Variants in MFHAS1 observed in about 807,000 individuals in gnomAD.
The protein encoded by MFHAS1 is multifunctional ROCO family signaling regulator 1.
MFHAS1 carries 50 observed loss-of-function variants against 70.4 expected under a neutral mutation model. The ratio of observed to expected loss-of-function variants is 0.71; its 90% CI spans 0.57 to 0.90. MFHAS1 has a LOEUF of 0.90. Among genes scored for constraint, MFHAS1 ranks in the 40% least tolerant of loss-of-function variants. MFHAS1 has a pLI of 0.00. For missense variants in MFHAS1, 1,795 were observed against 1,347.6 expected (o/e 1.33, Z -5.20); for synonymous variants, 952 against 620.0 (o/e 1.54, Z -7.96).
chr8:8,827,941 T>A (rs981295153), intron 1 of MFHAS1, among the ~76,000 whole-genome samples: 18 of 152,366 alleles, frequency 1.2e-4, no homozygotes, highest in African/African-American at 4.1e-4. Context: ...TTATGTAGTT[T>A]ATTTTTATCT....
chr8:8,890,982 C>G lies in MFHAS1; in HGVS notation c.2077G>C (p.Ala693Pro). 1.2e-6 allele frequency: 2 copies of G among 1,613,984 alleles called. No individual in the cohort carries two copies. Among genetic ancestry groups the G allele is most frequent in the Non-Finnish European group, 1.7e-6 (2 of 1,179,982 alleles). Residue 693 changes from alanine (A) to proline (P), a missense_variant, in exon 1 of 3, where the codon GCG becomes CCG. By Grantham distance (27) the Ala-to-Pro change is conservative. Coordinates refer to ENST00000276282, the MANE Select transcript of MFHAS1 (RefSeq NM_004225.3). ...WWDSARLGLQ[A>P]GLTEDRLQSA... ...TGCAGTCGGTCCTCGGTCAGACCCGCCTGCAGGCCCAAGCGCGCCGAGTCC... is the reference window on the plus strand; with the variant it reads ...TGCAGTCGGTCCTCGGTCAGACCCGGCTGCAGGCCCAAGCGCGCCGAGTCC...
chr8:8,848,595 T>C (rs1337073771), intron 1 of MFHAS1, among the ~76,000 whole-genome samples: 2 of 149,612 alleles, frequency 1.3e-5, no homozygotes, highest in Non-Finnish European at 3.0e-5. Flanking sequence ...GCCCTTTTAC[T>C]ACTAACGGAG....
Position 8,892,942 on chromosome 8 carries a change from G to C in MFHAS1, c.117C>G (p.Ala39=), listed in dbSNP as rs770289859. ...LRQLTLTAAG[A]CPGAGADALE... Reference sequence around the variant, plus strand: ...GCGCGTCGGCCCCGGCCCCGGGGCAGGCCCCGGCGGCGGTAAGCGTGAGCT... The same window carrying C: ...GCGCGTCGGCCCCGGCCCCGGGGCACGCCCCGGCGGCGGTAAGCGTGAGCT... Residue 39 remains alanine (A), a synonymous_variant, in exon 1 of 3, where the codon GCC becomes GCG. Transcript: ENST00000276282. This position sits in a 1 kb window ranked among gnomAD's most constrained non-coding sequence, Gnocchi z 4.7. The C allele has an allele frequency of 2.6e-6, 4 of 1,547,782 alleles. No homozygotes were observed. Among genetic ancestry groups the C allele is most frequent in the Middle Eastern group, 3.7e-4 (2 of 5,338 alleles).
At chr8:8,814,953 T>C (rs777106746) in intron 1 of MFHAS1, among the ~76,000 whole-genome samples, 1 of 151,508 alleles carries the variant, frequency 6.6e-6, no homozygotes, top group Admixed American at 6.6e-5. Context: ...GCTGCATAGA[T>C]CAACCCATCA....
Position 8,891,882 on chromosome 8 carries a change from C to T in MFHAS1, c.1177G>A (p.Ala393Thr). 1 of 1,611,012 alleles carries T rather than the reference C, an allele frequency of 6.2e-7. No homozygotes were observed. The highest frequency in any genetic ancestry group is 2.2e-5 in the East Asian group (1 of 44,838). Residue 393 changes from alanine (A) to threonine (T), a missense_variant, in exon 1 of 3, where the codon GCA becomes ACA. Physicochemically the swap from Ala to Thr is moderately conservative, Grantham distance 58 (BLOSUM62 0). Coordinates refer to ENST00000276282, the MANE Select transcript of MFHAS1 (RefSeq NM_004225.3). This position sits in a 1 kb window ranked among gnomAD's most constrained non-coding sequence, Gnocchi z 5.4. ...TGAGCCAGTTCCTTCTGGTAGGCTG[C>T]GATGTAGGGGATCCCCTTCATGCAG... ...EVCMKGIPYIAAYQKELAHSQ... is the reference protein window; with the variant it reads ...EVCMKGIPYITAYQKELAHSQ...
chr8:8,843,717 G>T (rs1273759182), intron 1 of MFHAS1, among the ~76,000 whole-genome samples: 1 of 152,072 alleles, frequency 6.6e-6, no homozygotes, highest in African/African-American at 2.4e-5. Context: ...GAGGGCAGAG[G>T]CTCATTTCTC....
intron 1 of MFHAS1, among the ~76,000 whole-genome samples, chr8:8,871,547 A>C (rs1809075047): frequency 1.3e-5 from 2 of 152,172 alleles, no homozygotes; most frequent in South Asian, 4.1e-4. Context: ...GATCACAAAC[A>C]CGCAAACAAA....
At chr8:8,876,056 A>T (rs1317784367) in intron 1 of MFHAS1, among the ~76,000 whole-genome samples, 1 of 152,230 alleles carries the variant, frequency 6.6e-6, no homozygotes, top group Non-Finnish European at 1.5e-5. Context: ...GAATGGTGGA[A>T]ACAGCAGCAA....
rs541594536 is a variant in MFHAS1 at position 8,893,258 on chromosome 8, G to C, written c.-200C>G. 164 of 159,312 alleles carry C rather than the reference G, an allele frequency of 1.0e-3. 1 individual carries two copies. The highest frequency in any genetic ancestry group is 3.7e-3 in the African/African-American group (152 of 40,792). The allele number at this position is 159,312 out of a possible 1,614,324, so 9.9% of individuals were successfully genotyped here. On this transcript the variant is annotated 5_prime_UTR_variant, in exon 1 of 3. Coordinates refer to ENST00000276282, the MANE Select transcript of MFHAS1 (RefSeq NM_004225.3). Reference sequence around the variant, plus strand: ...GACGCGAGCGGCTCCGGGGGACGCCGAGCGCGTGGAGAGCAGCTTGCATTC... The same window carrying C: ...GACGCGAGCGGCTCCGGGGGACGCCCAGCGCGTGGAGAGCAGCTTGCATTC...
In MFHAS1 at chr8:8,892,538, G is replaced by A; in HGVS notation, c.521C>T (p.Pro174Leu). 2 of 1,596,106 alleles carry A rather than the reference G, an allele frequency of 1.3e-6. No individual in the cohort carries two copies. Among genetic ancestry groups the A allele is most frequent in the Non-Finnish European group, 1.7e-6 (2 of 1,171,722 alleles). The change falls in exon 1 of 3, where the codon CCT becomes CTT. Residue 174 changes from proline to leucine, a missense_variant. Physicochemically the swap from Pro to Leu is moderately conservative, Grantham distance 98. Coordinates refer to ENST00000276282, the MANE Select transcript of MFHAS1 (RefSeq NM_004225.3). The surrounding 1 kb of genome is among the most constrained non-coding windows in gnomAD (Gnocchi z 4.7). ...DVSFNRLAHL[P>L]DSLSCLSRLR... is the part of the protein sequence containing the mutation. The stretch of plus-strand genomic sequence containing the variant: ...GCGGGAGAGGCAGGAGAGGGAGTCA[G>A]GCAGGTGCGCCAGCCGGTTAAAGCT...
At chr8:8,825,354 GCAGAGA>G (rs1807120281) in intron 1 of MFHAS1, among the ~76,000 whole-genome samples, 1 of 152,184 alleles carries the variant, frequency 6.6e-6, no homozygotes, top group African/African-American at 2.4e-5. Flanking sequence ...TGTGTTTGTA[GCAGAGA>G]CAGAGTTTCA....
chr8:8,834,459 C>G (rs895319839), intron 1 of MFHAS1, among the ~76,000 whole-genome samples: 1 of 152,154 alleles, frequency 6.6e-6, no homozygotes, highest in Non-Finnish European at 1.5e-5. Context: ...TACAAGTGCA[C>G]CATTTTCTGT....
intron 1 of MFHAS1, among the ~76,000 whole-genome samples, chr8:8,856,366 G>A (rs1019960888): frequency 2.0e-5 from 3 of 152,200 alleles, no homozygotes; most frequent in Non-Finnish European, 4.4e-5. Context: ...CACTTGCCCA[G>A]AAGATACTTC....
At chr8:8,838,556 T>C (rs1807689770) in intron 1 of MFHAS1, among the ~76,000 whole-genome samples, 1 of 152,186 alleles carries the variant, frequency 6.6e-6, no homozygotes, top group South Asian at 2.1e-4. Context: ...CTCATGCCTG[T>C]AATCCCAGCA....
rs530107095 is a variant in MFHAS1 at position 8,834,543 on chromosome 8, T to C, written c.2999-37052A>G. 9.2e-5 allele frequency among the ~76,000 whole-genome samples: 14 copies of C among 152,358 alleles called. No individual in the cohort carries two copies. The South Asian group carries it at 2.9e-3, about 32-fold the overall frequency. ...TACACAAGTACCACTGTGTTATAAT[T>C]GCCTATAGTATTGATTACAGTAACA... On this transcript the variant is annotated intron_variant, in intron 1 of 2. Coordinates refer to ENST00000276282, the MANE Select transcript of MFHAS1 (RefSeq NM_004225.3).
intron 1 of MFHAS1, among the ~76,000 whole-genome samples, chr8:8,849,903 T>C (rs1183778876): frequency 6.6e-6 from 1 of 152,234 alleles, no homozygotes; most frequent in African/African-American, 2.4e-5. Flanking sequence ...TTCCTTTAAA[T>C]ATTCTGAGAC....
At chr8:8,830,606 T>C (rs750520683) in intron 1 of MFHAS1, among the ~76,000 whole-genome samples, 1 of 152,198 alleles carries the variant, frequency 6.6e-6, no homozygotes, top group Non-Finnish European at 1.5e-5. Context: ...AATCCTATCC[T>C]ATATATTTCT....
chr8:8,860,354 T>C (rs773127517), intron 1 of MFHAS1, among the ~76,000 whole-genome samples: 2 of 152,204 alleles, frequency 1.3e-5, no homozygotes, highest in Non-Finnish European at 2.9e-5. Context: ...CAACAACCCC[T>C]GCCTTCTCAG....
chr8:8,886,886 G>T (rs992033161), intron 1 of MFHAS1, among the ~76,000 whole-genome samples: 1 of 152,188 alleles, frequency 6.6e-6, no homozygotes, highest in East Asian at 1.9e-4. Context: ...AGCACTTTGC[G>T]AGACTGAGGT....
Sources: gnomAD v4.1 joint callset for allele counts (sites outside exome capture counted in the v4.1 genomes callset) on GRCh38, gnomAD v4.1.1 for gene constraint, Gnocchi (gnomAD v3.1) non-coding constraint, MANE v1.5 for transcripts, NCBI Gene and HGNC (gene_info 2026-07-23, HGNC 2026-07-21) for gene names.